Variants in TMEM132D observed in about 807,000 individuals in gnomAD.
The protein encoded by TMEM132D is transmembrane protein 132D.
TMEM132D carries 21 observed loss-of-function variants against 62.3 expected under a neutral mutation model. The ratio of observed to expected loss-of-function variants is 0.34; its 90% CI spans 0.24 to 0.49. The LOEUF (loss-of-function observed/expected upper bound fraction) is 0.49, where lower values mean the gene tolerates loss of function less well. TMEM132D is among the 20% of genes least tolerant of loss of function. The probability of loss-of-function intolerance (pLI) is 0.99; values close to 1 mark genes in which losing one functional copy is unlikely to be tolerated. For synonymous variants in TMEM132D, 621 were observed against 575.6 expected, an observed-to-expected ratio of 1.08 and a Z score of -1.13; for missense variants, 1,346 against 1,402.8, an observed-to-expected ratio of 0.96 and a Z score of 0.65.
intron 7 of TMEM132D, among the ~76,000 whole-genome samples, chr12:129,079,374 C>A (rs1447533556): frequency 6.6e-6 from 1 of 152,186 alleles, no homozygotes; most frequent in East Asian, 1.9e-4. Flanking sequence ...CTGATGCCCA[C>A]AACCCAAAGC....
Position 129,089,358 on chromosome 12 carries a change from G to A in TMEM132D, c.1444-4656C>T, listed in dbSNP as rs1460257114. ...GACCGGGATGTCCTCCATGACCGGGGTGTCCTCTATGACCGGGATGTCCTC... is the reference window on the plus strand; with the variant it reads ...GACCGGGATGTCCTCCATGACCGGGATGTCCTCTATGACCGGGATGTCCTC... On this transcript the variant is annotated intron_variant, in intron 5 of 8. Transcript: ENST00000422113. Among the ~76,000 whole-genome samples the A allele has an allele frequency of 1.6e-4, 9 of 58,050 alleles. 1 individual carries two copies. The highest frequency in any genetic ancestry group is 4.5e-4 in the African/African-American group (4 of 8,906). 38.1% of individuals were successfully genotyped at this position (58,050 alleles called of 152,430 possible). A position where few individuals can be genotyped will look rare whatever the true frequency, so the allele number is the denominator to read the frequency against.
chr12:129,691,268 G>C (rs936676371), intron 2 of TMEM132D, among the ~76,000 whole-genome samples: 18 of 151,828 alleles, frequency 1.2e-4, no homozygotes, highest in Admixed American at 1.0e-3. Flanking sequence ...ATTAATTAGT[G>C]TTAAGTGTAG....
At chr12:129,550,367 T>C (rs1457528155) in intron 2 of TMEM132D, among the ~76,000 whole-genome samples, 1 of 152,178 alleles carries the variant, frequency 6.6e-6, no homozygotes, top group African/African-American at 2.4e-5. Flanking sequence ...TAACAAGGGA[T>C]TAATCACTAT....
intron 5 of TMEM132D, among the ~76,000 whole-genome samples, chr12:129,162,250 C>T (rs1276277679): frequency 1.3e-5 from 2 of 152,102 alleles, no homozygotes; most frequent in Non-Finnish European, 2.9e-5. Flanking sequence ...ATGCTCCATG[C>T]ACTGAGGAAA....
intron 5 of TMEM132D, among the ~76,000 whole-genome samples, chr12:129,174,779 C>CA (rs1877854728): frequency 6.6e-6 from 1 of 152,204 alleles, no homozygotes; most frequent in Non-Finnish European, 1.5e-5. Flanking sequence ...TTCTGACTGG[C>CA]ATGAGATGGT....
chr12:129,244,088 T>C (rs1026687027), intron 4 of TMEM132D, among the ~76,000 whole-genome samples: 6 of 151,960 alleles, frequency 3.9e-5, no homozygotes, highest in Non-Finnish European at 5.9e-5. Context: ...CCATGAACAA[T>C]GAAAAAAATT....
At chr12:129,462,555 T>C (rs899819519) in intron 3 of TMEM132D, among the ~76,000 whole-genome samples, 6 of 152,208 alleles carry the variant, frequency 3.9e-5, no homozygotes, top group African/African-American at 1.4e-4. Flanking sequence ...TTATCAAAGC[T>C]ATGTAGTTAA....
chr12:129,174,302 C>T lies in TMEM132D; in HGVS notation c.1443+35218G>A, dbSNP rs187815446. ...GTCCATGCGTTCTCATTGTTCAACT[C>T]GCACTTATGAGTGAGAACATGCAGT... On this transcript the variant is annotated intron_variant, in intron 5 of 8. Transcript: ENST00000422113. 2.5e-3 allele frequency among the ~76,000 whole-genome samples: 385 copies of T among 152,248 alleles called. 5 individuals carry two copies. The highest frequency in any genetic ancestry group is 2.6e-3 in the Non-Finnish European group (180 of 68,020).
At chr12:129,384,305 A>G (rs1205515680) in intron 3 of TMEM132D, among the ~76,000 whole-genome samples, 1 of 152,260 alleles carries the variant, frequency 6.6e-6, no homozygotes, top group Non-Finnish European at 1.5e-5. Context: ...GGCTGGCAAC[A>G]CATTGTGTCA....
intron 2 of TMEM132D, among the ~76,000 whole-genome samples, chr12:129,644,453 CGAGGGCAATGTGGACTCCT>C (rs1424063220): frequency 6.6e-6 from 1 of 152,066 alleles, no homozygotes; most frequent in Non-Finnish European, 1.5e-5. Flanking sequence ...ATCAGCCCCA[CGAGGGCAATGTGGACTCCT>C]GGGAAGGCCG....
chr12:129,572,427 G>A (rs1435157279), intron 2 of TMEM132D, among the ~76,000 whole-genome samples: 1 of 148,578 alleles, frequency 6.7e-6, no homozygotes, highest in Non-Finnish European at 1.5e-5. Flanking sequence ...AGGGCAGAGG[G>A]TCTGTTTCTT....
chr12:129,882,716 T>C (rs562037079), intron 1 of TMEM132D, among the ~76,000 whole-genome samples: 1 of 152,200 alleles, frequency 6.6e-6, no homozygotes, highest in Non-Finnish European at 1.5e-5. Context: ...ACCATAAATA[T>C]GTACAATTAT....
At chr12:129,081,051 C>T (rs986858229) in intron 7 of TMEM132D, among the ~76,000 whole-genome samples, 16 of 152,110 alleles carry the variant, frequency 1.1e-4, no homozygotes, top group African/African-American at 3.1e-4. Context: ...ATCCTGAAGC[C>T]GTGGGAAGGT....
chr12:129,572,130 C>T (rs1400777032), intron 2 of TMEM132D, among the ~76,000 whole-genome samples: 3 of 152,212 alleles, frequency 2.0e-5, no homozygotes, highest in Non-Finnish European at 4.4e-5. Flanking sequence ...CTGCCCCTTC[C>T]CGACAGCGCA....
At chr12:129,292,233 T>C (rs1881466185) in intron 4 of TMEM132D, among the ~76,000 whole-genome samples, 1 of 152,348 alleles carries the variant, frequency 6.6e-6, no homozygotes, top group Non-Finnish European at 1.5e-5. Flanking sequence ...GTTACACTGA[T>C]AGGCAAGAAG....
intron 2 of TMEM132D, among the ~76,000 whole-genome samples, chr12:129,531,791 C>A (rs1403328663): frequency 6.6e-6 from 1 of 152,194 alleles, no homozygotes; most frequent in Non-Finnish European, 1.5e-5. Context: ...GCCCTGTTTG[C>A]TTTTTATAAT....
At position 129,530,608 on chromosome 12, in the gene TMEM132D, G is replaced by A. The variant is rs552162125; in HGVS notation, c.1115+451C>T. Among the ~76,000 whole-genome samples, 8 of 152,266 alleles carry A rather than the reference G, an allele frequency of 5.3e-5. No individual in the cohort carries two copies. In the South Asian group the frequency reaches 6.2e-4, roughly 12 times the overall value. On this transcript the variant is annotated intron_variant, in intron 3 of 8. Coordinates refer to ENST00000422113, the MANE Select transcript of TMEM132D (RefSeq NM_133448.3). ...CTGTACCATCAGAAAATGCCTGCCC[G>A]TGAATACAATCATATGCATTGTATT...
intron 1 of TMEM132D, among the ~76,000 whole-genome samples, chr12:129,874,358 T>C (rs1874344833): frequency 1.3e-5 from 2 of 151,994 alleles, no homozygotes; most frequent in Admixed American, 1.3e-4. Context: ...TGCAGTGAGC[T>C]GATATCATAC....
intron 1 of TMEM132D, among the ~76,000 whole-genome samples, chr12:129,862,501 T>C (rs1458431266): frequency 6.6e-6 from 1 of 152,204 alleles, no homozygotes; most frequent in African/African-American, 2.4e-5. Flanking sequence ...TAGTTCAATC[T>C]TTTCCATCTG....
Sources: gnomAD v4.1 joint callset for allele counts (sites outside exome capture counted in the v4.1 genomes callset) on GRCh38, gnomAD v4.1.1 for gene constraint, MANE v1.5 for transcripts, NCBI Gene and HGNC (gene_info 2026-07-23, HGNC 2026-07-21) for gene names.